GALNT11: variants seen among roughly 807,000 people sequenced by gnomAD.
The protein encoded by GALNT11 is polypeptide N-acetylgalactosaminyltransferase 11, also known as UDP-GalNAc:polypeptide N-acetylgalactosaminyltransferase 11.
A neutral mutation model predicts 72.7 loss-of-function variants in GALNT11; 47 were observed. The observed-to-expected ratio is 0.65, with a 90% CI of 0.51 to 0.82. The LOEUF (loss-of-function observed/expected upper bound fraction) is 0.82. Among genes scored for constraint, GALNT11 ranks in the 40% least tolerant of loss-of-function variants. GALNT11 has a pLI of 0.00. For missense variants in GALNT11, 677 were observed against 778.4 expected (o/e 0.87, Z 1.55); for synonymous variants, 270 against 286.6 (o/e 0.94, Z 0.58).
chr7:152,117,000 A>G (rs2088931764), intron 8 of GALNT11, 157 bp from the exon 9 acceptor site: 1 of 733,726 alleles, frequency 1.4e-6, no homozygotes, highest in Non-Finnish European at 2.4e-6. Flanking sequence ...CTGATCTCAT[A>G]TATACGCCTG....
intron 1 of GALNT11, among the ~76,000 whole-genome samples, chr7:152,081,417 TTGGG>T (rs2085318188): frequency 6.6e-6 from 1 of 152,172 alleles, no homozygotes. Flanking sequence ...GGAATGTAAA[TTGGG>T]TGAGCTGAGA....
Position 152,111,641 on chromosome 7 carries a change from TA to T in GALNT11, c.1080+997del, listed in dbSNP as rs200200009. On this transcript the variant is annotated intron_variant, in intron 7 of 11. Transcript: ENST00000430044. ...CTGTGTGTGTGTGTATATATATATA[TA>T]TATTTTTTTAAATTATAAAAGTATT... 5.7e-3 allele frequency among the ~76,000 whole-genome samples: 841 copies of T among 147,698 alleles called. 7 individuals are homozygous for T. The highest frequency in any genetic ancestry group is 0.02 in the African/African-American group (781 of 38,334).
rs202110254 is a variant in GALNT11 at position 152,085,791 on chromosome 7, G to GC, written c.-38-8398dup. The stretch of plus-strand genomic sequence containing the variant: ...GTGCATGGCATGATCTTGACTCACT[G>GC]CAACCTCTGCCTCCTGGGTTCAAGC... On this transcript the variant is annotated intron_variant, in intron 1 of 11. Coordinates refer to ENST00000430044, the MANE Select transcript of GALNT11 (RefSeq NM_022087.4). Among the ~76,000 whole-genome samples, 618 of 152,154 alleles carry GC rather than the reference G, an allele frequency of 4.1e-3. 12 individuals are homozygous for GC. In the East Asian group the frequency reaches 0.05, roughly 12 times the overall value.
chr7:152,060,334 G>A (rs2083928280), intron 1 of GALNT11, among the ~76,000 whole-genome samples: 2 of 152,126 alleles, frequency 1.3e-5, no homozygotes, highest in Admixed American at 6.5e-5. Flanking sequence ...TTATTCCTGT[G>A]TTCACTGGCA....
chr7:152,113,919 GTTTT>G (rs36104315), intron 8 of GALNT11, among the ~76,000 whole-genome samples: 2 of 145,000 alleles, frequency 1.4e-5, no homozygotes, highest in Admixed American at 6.9e-5. Flanking sequence ...TTTAAAAAGT[GTTTT>G]TTTTTTTGTT....
chr7:152,119,555 T>TA (rs1437580565), intron 10 of GALNT11: 4 of 152,140 alleles, frequency 2.6e-5, no homozygotes, highest in African/African-American at 9.7e-5. Flanking sequence ...TCTCAGGTGA[T>TA]ACGTGTGTTG....
rs559861933 is a variant in GALNT11 at position 152,073,867 on chromosome 7, T to C, written c.-38-20323T>C. On this transcript the variant is annotated intron_variant, in intron 1 of 11. Transcript: ENST00000430044. ...CTAACTGGGATGAGATGATACCTCA[T>C]TGTGCTTCTGATTTGCTGTTCCTTG... Among the ~76,000 whole-genome samples the C allele has an allele frequency of 1.2e-4, 18 of 152,370 alleles. No homozygotes were observed. The South Asian group carries it at 3.3e-3, about 28-fold the overall frequency.
At position 152,117,322 on chromosome 7, in the gene GALNT11, C is replaced by A; in HGVS notation, c.1399C>A (p.Pro467Thr). The change falls in exon 9 of 12, where the codon CCC (proline) becomes ACC (threonine). Residue 467 changes from proline (P) to threonine (T), a missense_variant. Pro to Thr is a conservative substitution (Grantham distance 38). Transcript: ENST00000430044. ...TGGGTCCCACGCCAAACCCCAACAA[C>A]CCATTTTTGTCAATAGAGGGCCAAA... The part of the protein sequence containing the change: ...ISGSHAKPQQ[P>T]IFVNRGPKRP... 1.2e-6 allele frequency: 2 copies of A among 1,614,144 alleles called. No individual in the cohort carries two copies. The highest frequency in any genetic ancestry group is 1.7e-6 in the Non-Finnish European group (2 of 1,180,016).
chr7:152,052,089 C>A (rs556603302), intron 1 of GALNT11, among the ~76,000 whole-genome samples: 1 of 152,050 alleles, frequency 6.6e-6, no homozygotes, highest in Non-Finnish European at 1.5e-5. Flanking sequence ...TTCTAGATAC[C>A]TCATATAAGC....
At chr7:152,070,055 G>A (rs1169177183) in intron 1 of GALNT11, among the ~76,000 whole-genome samples, 1 of 146,858 alleles carries the variant, frequency 6.8e-6, no homozygotes, top group Admixed American at 6.7e-5. Context: ...GGAGAGCAGT[G>A]GTGTGATCTT....
chr7:152,087,047 A>G (rs1482158130), intron 1 of GALNT11, among the ~76,000 whole-genome samples: 1 of 152,248 alleles, frequency 6.6e-6, no homozygotes, highest in Non-Finnish European at 1.5e-5. Flanking sequence ...TTATTAACAA[A>G]TATTTATTAA....
chr7:152,049,211 G>T (rs1053096529), intron 1 of GALNT11, among the ~76,000 whole-genome samples: 1 of 152,144 alleles, frequency 6.6e-6, no homozygotes, highest in African/African-American at 2.4e-5. Flanking sequence ...GCATTGAAGA[G>T]TTAGGTATTT....
At chr7:152,058,239 G>T (rs541732671) in intron 1 of GALNT11, among the ~76,000 whole-genome samples, 17 of 152,316 alleles carry the variant, frequency 1.1e-4, no homozygotes, top group African/African-American at 3.8e-4. Flanking sequence ...TGAGCCTTCA[G>T]TGAGTGGTAA....
chr7:152,105,102 C>T, intron 4 of GALNT11, 143 bp from the exon 5 acceptor site: 1 of 870,020 alleles, frequency 1.1e-6, no homozygotes, highest in Non-Finnish European at 1.7e-6. Flanking sequence ...CTACAATACT[C>T]TTTTAAAGTA....
intron 1 of GALNT11, among the ~76,000 whole-genome samples, chr7:152,028,186 T>C (rs1425570044): frequency 6.6e-6 from 1 of 152,182 alleles, no homozygotes; most frequent in Non-Finnish European, 1.5e-5. Context: ...CGCTGCTGGC[T>C]CCAGTGGCCT....
chr7:152,038,189 A>C (rs1030423464), intron 1 of GALNT11, among the ~76,000 whole-genome samples: 17 of 152,198 alleles, frequency 1.1e-4, no homozygotes, highest in Non-Finnish European at 2.2e-4. Context: ...TTAAAGACAC[A>C]CACACAGAAA....
chr7:152,060,286 A>T (rs2128997528), intron 1 of GALNT11, among the ~76,000 whole-genome samples: 1 of 152,326 alleles, frequency 6.6e-6, no homozygotes, highest in Non-Finnish European at 1.5e-5. Context: ...GGAGCACTAA[A>T]GCTTTCTCCA....
chr7:152,117,360 C>G lies in GALNT11; in HGVS notation c.1437C>G (p.Val479=), dbSNP rs774843203. The G allele has an allele frequency of 4.3e-6, 7 of 1,614,028 alleles. No homozygotes were observed. The highest frequency in any genetic ancestry group is 5.9e-6 in the Non-Finnish European group (7 of 1,180,040). ...ATAGAGGGCCAAAACGACCCAAAGT[C>G]CTTCAACGTGGAAGGGTAAGAAAGC... is the stretch of plus-strand genomic sequence containing the variant. ...FVNRGPKRPK[V]LQRGRLYHLQ... Residue 479 remains valine, a synonymous_variant, in exon 9 of 12, where the codon GTC becomes GTG. Coordinates refer to ENST00000430044, the MANE Select transcript of GALNT11 (RefSeq NM_022087.4).
chr7:152,111,829 A>G (rs2088251110), intron 7 of GALNT11, among the ~76,000 whole-genome samples: 1 of 152,114 alleles, frequency 6.6e-6, no homozygotes, highest in African/African-American at 2.4e-5. Context: ...CCTAGTTCAT[A>G]CCTGTTCTCT....
Sources: allele counts gnomAD v4.1 joint callset (sites outside exome capture counted in the v4.1 genomes callset), GRCh38; gene constraint gnomAD v4.1.1; transcripts MANE v1.5; gene names NCBI Gene and HGNC (gene_info 2026-07-23, HGNC 2026-07-21).